Variants in SLC9A9 observed in about 807,000 individuals in gnomAD.
SLC9A9 encodes the protein sodium/hydrogen exchanger 9.
SLC9A9 carries 62 observed loss-of-function variants against 77.8 expected under a neutral mutation model. The observed-to-expected ratio is 0.80, with a 90% CI of 0.65 to 0.98. SLC9A9 has a LOEUF of 0.98. Ranked by LOEUF, SLC9A9 falls within the 50% of genes least tolerant of loss-of-function variation. The pLI, the probability that SLC9A9 is intolerant of heterozygous loss-of-function variation, is 0.00. For synonymous variants in SLC9A9, 320 were observed against 283.5 expected (o/e 1.13, Z -1.29); for missense variants, 775 against 774.9 (o/e 1.00, Z 0.00).
intron 8 of SLC9A9, among the ~76,000 whole-genome samples, chr3:143,562,510 A>T (rs1241514956): frequency 1.3e-5 from 2 of 152,088 alleles, no homozygotes; most frequent in African/African-American, 2.4e-5. Context: ...TAATTTAAAA[A>T]TTTTTTGAAT....
chr3:143,665,345 A>G (rs1218768658), intron 5 of SLC9A9, among the ~76,000 whole-genome samples: 1 of 152,132 alleles, frequency 6.6e-6, no homozygotes, highest in Non-Finnish European at 1.5e-5. Context: ...AGTGTGTAGA[A>G]GGAAATTTAT....
At chr3:143,734,326 A>C (rs1283990100) in intron 4 of SLC9A9, among the ~76,000 whole-genome samples, 1 of 152,156 alleles carries the variant, frequency 6.6e-6, no homozygotes, top group Non-Finnish European at 1.5e-5. Flanking sequence ...TATACACCCA[A>C]GTTTGTTGAC....
At chr3:143,529,013 G>T (rs1270940438) in intron 9 of SLC9A9, among the ~76,000 whole-genome samples, 1 of 152,314 alleles carries the variant, frequency 6.6e-6, no homozygotes, top group East Asian at 1.9e-4. Flanking sequence ...GAGAATGTGT[G>T]TATCTTACAG....
chr3:143,802,793 G>T (rs1227026248), intron 2 of SLC9A9, among the ~76,000 whole-genome samples: 2 of 152,078 alleles, frequency 1.3e-5, no homozygotes, highest in Admixed American at 6.5e-5. Flanking sequence ...AAAAGGACTG[G>T]ACAGTACTTT....
At chr3:143,544,029 C>A (rs1018097484) in intron 9 of SLC9A9, among the ~76,000 whole-genome samples, 2 of 139,152 alleles carry the variant, frequency 1.4e-5, no homozygotes, top group Admixed American at 1.4e-4. Context: ...TTCTCTACAG[C>A]CTCACTAGCA....
At chr3:143,665,821 A>C (rs964331667) in intron 5 of SLC9A9, among the ~76,000 whole-genome samples, 1 of 152,198 alleles carries the variant, frequency 6.6e-6, no homozygotes, top group South Asian at 2.1e-4. Context: ...AACAGGCTCT[A>C]AAATTGAGGC....
At chr3:143,712,273 C>A (rs543816278) in intron 4 of SLC9A9, among the ~76,000 whole-genome samples, 101 of 152,288 alleles carry the variant, frequency 6.6e-4, no homozygotes, top group Non-Finnish European at 1.3e-3. Flanking sequence ...GGGAAAAAAG[C>A]ACCTGCTATT....
intron 5 of SLC9A9, among the ~76,000 whole-genome samples, chr3:143,667,833 A>G (rs932046697): frequency 6.6e-6 from 1 of 152,214 alleles, no homozygotes; most frequent in Non-Finnish European, 1.5e-5. Flanking sequence ...TCAGCAAACA[A>G]CAGATGCCGG....
chr3:143,820,758 A>C (rs2009144971), intron 2 of SLC9A9, among the ~76,000 whole-genome samples: 1 of 152,132 alleles, frequency 6.6e-6, no homozygotes, highest in Non-Finnish European at 1.5e-5. Flanking sequence ...AAACAATTAA[A>C]ACTTTGCACA....
chr3:143,564,102 GA>G (rs1421624596), intron 8 of SLC9A9, among the ~76,000 whole-genome samples: 7 of 152,182 alleles, frequency 4.6e-5, no homozygotes, highest in Non-Finnish European at 1.0e-4. Context: ...AACACAAGGA[GA>G]TTAATCCTAA....
intron 8 of SLC9A9, among the ~76,000 whole-genome samples, chr3:143,573,340 C>T (rs527653214): frequency 4.6e-5 from 7 of 152,184 alleles, no homozygotes; most frequent in Non-Finnish European, 7.4e-5. Context: ...AAGCAGGGAA[C>T]GTGGCTTGAG....
At chr3:143,367,457 T>C (rs62276801) in intron 13 of SLC9A9, among the ~76,000 whole-genome samples, 1,549 of 152,358 alleles carry the variant, frequency 0.01, 9 homozygotes, top group Middle Eastern at 0.017. Context: ...CAGTTCTGGA[T>C]CCATTCGTTT....
chr3:143,685,126 T>C (rs1474479303), intron 5 of SLC9A9, among the ~76,000 whole-genome samples: 6 of 152,202 alleles, frequency 3.9e-5, no homozygotes, highest in African/African-American at 1.4e-4. Flanking sequence ...GTAGTCTTCT[T>C]AAAAAGGTAA....
At chr3:143,564,829 G>T (rs903206138) in intron 8 of SLC9A9, among the ~76,000 whole-genome samples, 1 of 152,110 alleles carries the variant, frequency 6.6e-6, no homozygotes, top group Non-Finnish European at 1.5e-5. Flanking sequence ...TCAAATCTAT[G>T]TTGCCAGGTT....
chr3:143,379,500 C>A (rs138434005), intron 13 of SLC9A9, among the ~76,000 whole-genome samples: 1 of 152,080 alleles, frequency 6.6e-6, no homozygotes, highest in African/African-American at 2.4e-5. Context: ...CTTTGGTAAT[C>A]GAACATTATC....
At chr3:143,809,479 A>G (rs1051759550) in intron 2 of SLC9A9, among the ~76,000 whole-genome samples, 2 of 152,188 alleles carry the variant, frequency 1.3e-5, no homozygotes, top group African/African-American at 4.8e-5. Flanking sequence ...AACCCAGACA[A>G]TTTCTCAGAA....
chr3:143,611,922 G>T (rs938655749), intron 6 of SLC9A9, among the ~76,000 whole-genome samples: 1 of 152,136 alleles, frequency 6.6e-6, no homozygotes, highest in African/African-American at 2.4e-5. Flanking sequence ...AATATTTAGA[G>T]ATAGGGTCTC....
chr3:143,660,724 G>C (rs770844313), intron 5 of SLC9A9, among the ~76,000 whole-genome samples: 1 of 152,130 alleles, frequency 6.6e-6, no homozygotes. Context: ...CATACATTTG[G>C]TTTTTCAATA....
intron 2 of SLC9A9, among the ~76,000 whole-genome samples, chr3:143,808,074 T>C (rs2108869551): frequency 6.6e-6 from 1 of 152,306 alleles, no homozygotes; most frequent in East Asian, 1.9e-4. Flanking sequence ...GTCAACAAGT[T>C]AGGTGTTGAG....
Sources: allele counts gnomAD v4.1 joint callset (sites outside exome capture counted in the v4.1 genomes callset), GRCh38; gene constraint gnomAD v4.1.1; transcripts MANE v1.5; gene names NCBI Gene and HGNC (gene_info 2026-07-23, HGNC 2026-07-21).